PDE1C: variants seen among roughly 807,000 people sequenced by gnomAD.
The protein encoded by PDE1C is phosphodiesterase 1C, also known as dual specificity calcium/calmodulin-dependent 3',5'-cyclic nucleotide phosphodiesterase 1C.
A neutral mutation model predicts 93.1 loss-of-function variants in PDE1C; 62 were observed. The ratio of observed to expected loss-of-function variants is 0.67; its 90% CI spans 0.54 to 0.82. The LOEUF is 0.82. Ranked by LOEUF, PDE1C falls within the 40% of genes least tolerant of loss-of-function variation. The probability of loss-of-function intolerance (pLI) is 0.00; values close to 1 mark genes in which losing one functional copy is unlikely to be tolerated. For synonymous variants in PDE1C, 325 were observed against 310.1 expected, an observed-to-expected ratio of 1.05 and a Z score of -0.50; for missense variants, 742 against 884.6, an observed-to-expected ratio of 0.84 and a Z score of 2.04.
the PDE1C span, chr7:31,707,167 G>A: frequency 6.3e-7 from 1 of 1,577,950 alleles, no homozygotes; most frequent in Non-Finnish European, 8.7e-7. Flanking sequence ...GTTTTAATTA[G>A]AGGTACTTAA....
chr7:32,213,215 C>G lies in PDE1C; in HGVS notation c.86-3676G>C, dbSNP rs185247206. On this transcript the variant is annotated intron_variant, in intron 1 of 18. Coordinates refer to the PDE1C transcript ENST00000396193. ...CAATTTTTAAACAATTGTCAGCCCACATTTAAAAACCAAGAGATTTCAAAT... is the reference window on the plus strand; with the variant it reads ...CAATTTTTAAACAATTGTCAGCCCAGATTTAAAAACCAAGAGATTTCAAAT... Among the ~76,000 whole-genome samples, 81 of 152,286 alleles carry G rather than the reference C, an allele frequency of 5.3e-4. 1 individual carries two copies. Among genetic ancestry groups the G allele is most frequent in the African/African-American group, 1.8e-3 (75 of 41,568 alleles).
chr7:32,108,323 G>C (rs1385169230), intron 3 of PDE1C, among the ~76,000 whole-genome samples: 2 of 148,484 alleles, frequency 1.3e-5, no homozygotes, highest in African/African-American at 4.9e-5. Flanking sequence ...TGAGAGAAGG[G>C]AATAAAAAAG....
chr7:32,270,328 C>A (rs754743038), intron 1 of PDE1C, among the ~76,000 whole-genome samples: 3 of 150,458 alleles, frequency 2.0e-5, no homozygotes, highest in Non-Finnish European at 4.4e-5. Context: ...ACAAGTAGCA[C>A]TGGGTGATAT....
chr7:32,231,643 A>G (rs2128862655), intron 1 of PDE1C, among the ~76,000 whole-genome samples: 1 of 152,334 alleles, frequency 6.6e-6, no homozygotes, highest in East Asian at 1.9e-4. Context: ...TGCACCAGAG[A>G]AAAACTGCTC....
intron 3 of PDE1C, among the ~76,000 whole-genome samples, chr7:32,151,653 C>G (rs1026368890): frequency 6.6e-6 from 1 of 152,210 alleles, no homozygotes; most frequent in Non-Finnish European, 1.5e-5. Context: ...AGAATACATA[C>G]TGCATAATTC....
chr7:32,301,007 TAA>T (rs148698951), upstream of PDE1C, among the ~76,000 whole-genome samples: 1 of 149,678 alleles, frequency 6.7e-6, no homozygotes, highest in Non-Finnish European at 1.5e-5. Flanking sequence ...CTGGCTGCTT[TAA>T]AAAAAAAATT....
At chr7:31,628,716 A>G in the PDE1C span, among the ~76,000 whole-genome samples, 1 of 152,122 alleles carries the variant, frequency 6.6e-6, no homozygotes, top group East Asian at 1.9e-4. Flanking sequence ...TCGGCCTCCG[A>G]AAGTGCTGGG....
chr7:32,185,154 A>C (rs1314071938), intron 2 of PDE1C, among the ~76,000 whole-genome samples: 1 of 149,446 alleles, frequency 6.7e-6, no homozygotes, highest in African/African-American at 2.5e-5. Flanking sequence ...TTAATGCAGG[A>C]GAATCGCTTG....
the PDE1C span, among the ~76,000 whole-genome samples, chr7:31,745,378 T>G: frequency 1.5e-3 from 228 of 152,326 alleles, 6 homozygotes; most frequent in East Asian, 0.036. Context: ...TAAAGCACTA[T>G]GTTGATCACT....
At chr7:32,250,848 C>T (rs1263924654) in intron 1 of PDE1C, among the ~76,000 whole-genome samples, 1 of 152,204 alleles carries the variant, frequency 6.6e-6, no homozygotes, top group Admixed American at 6.5e-5. Flanking sequence ...AGCCTGATTA[C>T]AAGTTCAGGT....
intron 2 of PDE1C, among the ~76,000 whole-genome samples, chr7:32,184,823 A>C (rs2128815482): frequency 6.6e-6 from 1 of 152,218 alleles, no homozygotes; most frequent in East Asian, 1.9e-4. Flanking sequence ...AAAATAAACA[A>C]CTTCTTGGCC....
At chr7:31,993,974 T>C (rs1784432802) in intron 2 of PDE1C, among the ~76,000 whole-genome samples, 2 of 152,306 alleles carry the variant, frequency 1.3e-5, no homozygotes, top group East Asian at 1.9e-4. Flanking sequence ...GTGTAGAAGA[T>C]AGAATAAATA....
intron 1 of PDE1C, among the ~76,000 whole-genome samples, chr7:32,263,349 G>GGGTGTGTGTGTGTGTCTGTGTGTC (rs1810348308): frequency 6.6e-6 from 1 of 151,916 alleles, no homozygotes; most frequent in African/African-American, 2.4e-5. Context: ...ATACATGTGC[G>GGGTGTGTGTGTGTGTCTGTGTGTC]GGTGTGTGTG....
At chr7:32,080,178 A>T (rs1796576416) in intron 3 of PDE1C, among the ~76,000 whole-genome samples, 1 of 152,152 alleles carries the variant, frequency 6.6e-6, no homozygotes, top group South Asian at 2.1e-4. Context: ...GTCAGGAGGC[A>T]GGCGGGTGGG....
At chr7:31,944,719 T>A (rs1806371039) in intron 2 of PDE1C, among the ~76,000 whole-genome samples, 2 of 152,226 alleles carry the variant, frequency 1.3e-5, no homozygotes, top group Admixed American at 1.3e-4. Flanking sequence ...TAAGAACATA[T>A]ATTTCCAGCA....
chr7:31,749,530 C>T (rs1794076371), downstream of PDE1C, among the ~76,000 whole-genome samples: 1 of 152,096 alleles, frequency 6.6e-6, no homozygotes, highest in South Asian at 2.1e-4. Context: ...ATGTGGTGAG[C>T]TTCTACGCCT....
chr7:31,697,615 G>A, the PDE1C span, among the ~76,000 whole-genome samples: 3 of 151,920 alleles, frequency 2.0e-5, no homozygotes, highest in Non-Finnish European at 4.4e-5. Context: ...TAAAGGAGCT[G>A]CTCTGTGAGA....
At chr7:32,174,582 C>T (rs1366675800) in intron 2 of PDE1C, among the ~76,000 whole-genome samples, 1 of 152,138 alleles carries the variant, frequency 6.6e-6, no homozygotes, top group African/African-American at 2.4e-5. Context: ...CAAAGCAGCT[C>T]CTGAGGCTGG....
chr7:32,425,896 G>A (rs557145763), intron 1 of PDE1C, among the ~76,000 whole-genome samples: 156 of 152,068 alleles, frequency 1.0e-3, no homozygotes, highest in Non-Finnish European at 1.4e-3. Context: ...AGCTGTGCTC[G>A]CACCACTGCA....
Sources: gnomAD v4.1 joint callset for allele counts (sites outside exome capture counted in the v4.1 genomes callset) on GRCh38, gnomAD v4.1.1 for gene constraint, MANE v1.5 for transcripts, NCBI Gene and HGNC (gene_info 2026-07-23, HGNC 2026-07-21) for gene names.